Variants in UEVLD observed in about 807,000 individuals in gnomAD.
UEVLD encodes ubiquitin-conjugating enzyme E2 variant 3.
A neutral mutation model predicts 58.6 loss-of-function variants in UEVLD; 47 were observed. The observed-to-expected ratio is 0.80, with a 90% CI of 0.63 to 1.02. The LOEUF is 1.02. UEVLD is among the 50% of genes least tolerant of loss of function. The pLI, the probability that UEVLD is intolerant of heterozygous loss-of-function variation, is 0.00. For missense variants in UEVLD, 510 were observed against 550.6 expected, an observed-to-expected ratio of 0.93 and a Z score of 0.74; for synonymous variants, 197 against 195.3, an observed-to-expected ratio of 1.01 and a Z score of -0.07.
At chr11:18,556,536 C>G (rs1268829205) in intron 7 of UEVLD, among the ~76,000 whole-genome samples, 1 of 152,022 alleles carries the variant, frequency 6.6e-6, no homozygotes, top group East Asian at 1.9e-4. Flanking sequence ...AAAATATTGT[C>G]AAGGAATAAA....
chr11:18,564,194 T>C (rs1332135301), intron 6 of UEVLD, among the ~76,000 whole-genome samples: 1 of 151,880 alleles, frequency 6.6e-6, no homozygotes, highest in Non-Finnish European at 1.5e-5. Context: ...GAGTCTTAAA[T>C]GGAAAGGGAA....
At chr11:18,562,875 ATC>A (rs1852109997) in intron 6 of UEVLD, among the ~76,000 whole-genome samples, 1 of 151,670 alleles carries the variant, frequency 6.6e-6, no homozygotes, top group Admixed American at 6.6e-5. Context: ...AGGGAGACCT[ATC>A]TCTACAAAAA....
chr11:18,550,546 C>T (rs1390621519), intron 7 of UEVLD, among the ~76,000 whole-genome samples: 1 of 152,162 alleles, frequency 6.6e-6, no homozygotes, highest in African/African-American at 2.4e-5. Context: ...AACATTTCCC[C>T]CAGCTTTCTG....
rs1850796737 is a variant in UEVLD at position 18,536,406 on chromosome 11, CTGTTGGACAGCTGCACT to C, written c.1107_1123del (p.Val370SerfsTer21). On this transcript the variant is annotated frameshift_variant and splice_region_variant, in exon 10 of 12. Transcript: ENST00000396197. LOFTEE classifies it high-confidence loss of function. ...AATGCAAATTTCCAGTCAGTGTTAC[CTGTTGGACAGCTGCACT>C]TGAGAGGTATGACTCACTACTTCTT... 6.2e-7 allele frequency: 1 copy of C among 1,613,628 alleles called. No individual in the cohort carries two copies. Among genetic ancestry groups the C allele is most frequent in the East Asian group, 2.2e-5 (1 of 44,872 alleles).
At chr11:18,547,392 G>C (rs1163857918) in intron 7 of UEVLD, among the ~76,000 whole-genome samples, 1 of 152,146 alleles carries the variant, frequency 6.6e-6, no homozygotes, top group Non-Finnish European at 1.5e-5. Context: ...AGGCATGGTG[G>C]TGTGTGACTG....
chr11:18,537,049 C>T (rs1474247847), intron 9 of UEVLD, among the ~76,000 whole-genome samples: 1 of 151,638 alleles, frequency 6.6e-6, no homozygotes, highest in Non-Finnish European at 1.5e-5. Flanking sequence ...GCACATGCCA[C>T]CATGCCCTGC....
rs74585271 is a variant in UEVLD at position 18,582,849 on chromosome 11, T to TA, written c.43-4042dup. 8.9e-3 allele frequency among the ~76,000 whole-genome samples: 1,350 copies of TA among 152,294 alleles called. 10 individuals are homozygous for TA. The highest frequency in any genetic ancestry group is 0.014 in the Non-Finnish European group (967 of 68,018). On this transcript the variant is annotated intron_variant, in intron 1 of 11. Coordinates refer to ENST00000396197, the MANE Select transcript of UEVLD (RefSeq NM_001040697.4). ...ACAATTACATGGTTATAAAAATTAG[T>TA]AAGACTGAAAAATTGAGTTTAATAA... is the stretch of plus-strand genomic sequence containing the variant.
rs746105179 is a variant in UEVLD at position 18,564,886 on chromosome 11, A to G, written c.612+6T>C. Reference sequence around the variant, plus strand: ...AGATGTATTTATAACCACTATGTTTACATACCTTTGCTGAAATTGCTAATG... The same window carrying G: ...AGATGTATTTATAACCACTATGTTTGCATACCTTTGCTGAAATTGCTAATG... On this transcript the variant is annotated splice_donor_region_variant and intron_variant, in intron 6 of 11. Coordinates refer to ENST00000396197, the MANE Select transcript of UEVLD (RefSeq NM_001040697.4). The G allele has an allele frequency of 3.8e-6, 6 of 1,598,032 alleles. No homozygotes were observed. In the East Asian group the frequency reaches 1.3e-4, roughly 36 times the overall value.
At position 18,544,751 on chromosome 11, in the gene UEVLD, G is replaced by A. The variant is rs1302224883; in HGVS notation, c.932C>T (p.Ala311Val). Residue 311 changes from alanine (A) to valine (V), a missense_variant, in exon 9 of 12, where the codon GCA becomes GTA. Transcript: ENST00000396197. ...YVTWKLSTFP[A>V]NRVIGIGCNL... ...ACATCCAATTCCGATCACTCGATTTGCAGGAAATGTACTCAGTTTCCATGT... is the reference window on the plus strand; with the variant it reads ...ACATCCAATTCCGATCACTCGATTTACAGGAAATGTACTCAGTTTCCATGT... The A allele has an allele frequency of 6.4e-7, 1 of 1,568,492 alleles. No homozygotes were observed. Among genetic ancestry groups the A allele is most frequent in the Admixed American group, 2.0e-5 (1 of 49,114 alleles).
chr11:18,558,271 C>A lies in UEVLD; in HGVS notation c.672G>T (p.Met224Ile). The change falls in exon 7 of 12, where the codon ATG becomes ATT. Residue 224 changes from methionine to isoleucine, a missense_variant. Coordinates refer to ENST00000396197, the MANE Select transcript of UEVLD (RefSeq NM_001040697.4). Reference protein sequence around the residue: ...DLSEGTKGATMDLEIFNLPNV... With the variant: ...DLSEGTKGATIDLEIFNLPNV... ...TAGGAAGGTTGAAGATTTCAAGGTC[C>A]ATCGTGGCTCCTTTAGTCCCTTCTG... is the stretch of plus-strand genomic sequence containing the variant. 6.2e-7 allele frequency: 1 copy of A among 1,613,284 alleles called. No homozygotes were observed. Among genetic ancestry groups the A allele is most frequent in the Non-Finnish European group, 8.5e-7 (1 of 1,179,662 alleles).
At chr11:18,568,109 CA>C (rs1852389811) in intron 4 of UEVLD, among the ~76,000 whole-genome samples, 1 of 152,196 alleles carries the variant, frequency 6.6e-6, no homozygotes, top group Non-Finnish European at 1.5e-5. Context: ...TGTGCTACTG[CA>C]CTCCAGCACG....
chr11:18,559,299 A>T, intron 6 of UEVLD, among the ~76,000 whole-genome samples: 1 of 152,052 alleles, frequency 6.6e-6, no homozygotes, highest in East Asian at 1.9e-4. Context: ...CCCAGGTTCA[A>T]GCGATTCTCC....
At chr11:18,543,321 G>T (rs1388808847) in intron 9 of UEVLD, among the ~76,000 whole-genome samples, 1 of 152,170 alleles carries the variant, frequency 6.6e-6, no homozygotes, top group Non-Finnish European at 1.5e-5. Context: ...CTTCGATCGG[G>T]TATTCACAGA....
chr11:18,583,657 C>CTTTTTTTTT (rs35384688), intron 1 of UEVLD, among the ~76,000 whole-genome samples: 1 of 117,286 alleles, frequency 8.5e-6, no homozygotes, highest in East Asian at 2.6e-4. Flanking sequence ...TCCAGTATTA[C>CTTTTTTTTT]TTTTTTTTTT....
chr11:18,584,176 T>C (rs1853415903), intron 1 of UEVLD, among the ~76,000 whole-genome samples: 1 of 152,180 alleles, frequency 6.6e-6, no homozygotes, highest in Non-Finnish European at 1.5e-5. Flanking sequence ...GCCAGTAGTT[T>C]TGAGACCAGC....
intron 1 of UEVLD, among the ~76,000 whole-genome samples, chr11:18,587,052 T>C (rs1285241309): frequency 2.0e-5 from 3 of 151,976 alleles, no homozygotes; most frequent in Non-Finnish European, 4.4e-5. Context: ...GTAATAATAA[T>C]AATAAGCTAC....
rs138691837 is a variant in UEVLD at position 18,588,627 on chromosome 11, G to A, written c.28C>T (p.Arg10Trp). MEFDCEGLR[R>W]LLGKYKFRDL... is the part of the protein sequence containing the mutation. ...ACTGCCCGCACCTTGCCAAGCAGCC[G>A]TCTCAGGCCCTCGCAGTCGAACTCC... The change falls in exon 1 of 12, where the codon CGG (arginine) becomes TGG (tryptophan). Residue 10 changes from arginine (R) to tryptophan (W), a missense_variant. Physicochemically the swap from Arg to Trp is moderately radical, Grantham distance 101 (BLOSUM62 -3). Transcript: ENST00000396197. 5 of 1,610,150 alleles carry A rather than the reference G, an allele frequency of 3.1e-6. No individual in the cohort carries two copies. In the Admixed American group the frequency reaches 5.0e-5, roughly 16 times the overall value.
chr11:18,569,691 A>G (rs1233014523), intron 4 of UEVLD, among the ~76,000 whole-genome samples: 1 of 152,204 alleles, frequency 6.6e-6, no homozygotes, highest in Non-Finnish European at 1.5e-5. Flanking sequence ...TGGTCAATGA[A>G]AAATGCAGAA....
At chr11:18,552,784 C>A (rs567158882) in intron 7 of UEVLD, among the ~76,000 whole-genome samples, 3 of 151,784 alleles carry the variant, frequency 2.0e-5, no homozygotes, top group African/African-American at 7.2e-5. Flanking sequence ...TCGCTTGAAC[C>A]CAGGAGGTGA....
Sources: gnomAD v4.1 joint callset for allele counts (sites outside exome capture counted in the v4.1 genomes callset) on GRCh38, gnomAD v4.1.1 for gene constraint, MANE v1.5 for transcripts, NCBI Gene and HGNC (gene_info 2026-07-23, HGNC 2026-07-21) for gene names.